Variants in DMAC2L observed in about 807,000 individuals in gnomAD.
DMAC2L encodes the protein ATP synthase subunit s, mitochondrial.
DMAC2L carries 21 observed loss-of-function variants against 22.5 expected under a neutral mutation model. That is an observed-to-expected ratio of 0.93 (90% CI 0.66 to 1.34). The LOEUF is 1.34. Among genes scored for constraint, DMAC2L ranks in the 40% most tolerant of loss-of-function variants. The probability of loss-of-function intolerance (pLI) is 0.00; values close to 1 mark genes in which losing one functional copy is unlikely to be tolerated. For synonymous variants in DMAC2L, 86 were observed against 89.5 expected (o/e 0.96, Z 0.22); for missense variants, 239 against 246.5 (o/e 0.97, Z 0.20).
chr14:50,326,198 C>T lies in DMAC2L; in HGVS notation c.*475C>T, dbSNP rs2032691300. 3.6e-6 allele frequency: 1 copy of T among 274,242 alleles called. No homozygotes were observed. The highest frequency in any genetic ancestry group is 2.4e-5 in the African/African-American group (1 of 42,274). 17.0% of individuals were successfully genotyped at this position (274,242 alleles called of 1,614,324 possible). On this transcript the variant is annotated 3_prime_UTR_variant, in exon 6 of 6. Transcript: ENST00000557421. ...GACCCGAGATTGTGCCACTGCACTC[C>T]AGCCTGGGTGACAGAGCGAGACTGT...
In DMAC2L at chr14:50,312,326, G is replaced by T. The variant is rs2031287256; in HGVS notation, c.-105G>T. 8.0e-6 allele frequency: 7 copies of T among 875,594 alleles called. No homozygotes were observed. The highest frequency in any genetic ancestry group is 1.2e-5 in the Non-Finnish European group (7 of 577,396). The allele number at this position is 875,594 out of a possible 1,614,324, so 54.2% of individuals were successfully genotyped here. A position where few individuals can be genotyped will look rare whatever the true frequency, so the allele number is the denominator to read the frequency against. On this transcript the variant is annotated 5_prime_UTR_variant, in exon 1 of 6. Transcript: ENST00000557421. Reference sequence around the variant, plus strand: ...AGGCGCGCGCGTCGGAGGGCGAAGGGCCGGCCAGGGTGCCGCAGACGCGGG... The same window carrying T: ...AGGCGCGCGCGTCGGAGGGCGAAGGTCCGGCCAGGGTGCCGCAGACGCGGG...
Position 50,317,137 on chromosome 14 carries a change from G to A in DMAC2L, c.-6+2511G>A, listed in dbSNP as rs2031870755. 1.3e-5 allele frequency among the ~76,000 whole-genome samples: 2 copies of A among 152,034 alleles called. 1 individual carries two copies. The highest frequency in any genetic ancestry group is 1.3e-4 in the Admixed American group (2 of 15,252). ...AGTGTTTTGTAGTTTTCCTTTTAGAGGTCATTCACCTCCTTGGTTAGGCAT... is the reference window on the plus strand; with the variant it reads ...AGTGTTTTGTAGTTTTCCTTTTAGAAGTCATTCACCTCCTTGGTTAGGCAT... On this transcript the variant is annotated intron_variant, in intron 2 of 5. Transcript: ENST00000557421.
intron 4 of DMAC2L, 134 bp downstream of exon 4, chr14:50,322,853 T>G (rs573337085): frequency 1.0e-5 from 15 of 1,496,518 alleles, no homozygotes; most frequent in Non-Finnish European, 1.3e-5. Flanking sequence ...TGTTTCTTCC[T>G]GTGTTTGATA....
chr14:50,312,936 C>T, intron 1 of DMAC2L: 1 of 1,532,804 alleles, frequency 6.5e-7, no homozygotes, highest in African/African-American at 1.4e-5. Flanking sequence ...GCACTGGGTA[C>T]CGGAAGAACC....
chr14:50,318,947 T>TG, intron 2 of DMAC2L: 2 of 842,760 alleles, frequency 2.4e-6, no homozygotes, highest in Non-Finnish European at 2.9e-6. Context: ...TTGTTCTTGT[T>TG]TTTGTTTGTT....
Position 50,326,817 on chromosome 14 carries a change from G to A in DMAC2L, c.*1094G>A, listed in dbSNP as rs2032722826. On this transcript the variant is annotated 3_prime_UTR_variant, in exon 6 of 6. Transcript: ENST00000557421. Reference sequence around the variant, plus strand: ...GTGCTTTGGGAGGCTGAGGTGGGAGGATCACTTGAGACCAGGAGTTTGAGA... The same window carrying A: ...GTGCTTTGGGAGGCTGAGGTGGGAGAATCACTTGAGACCAGGAGTTTGAGA... The A allele has an allele frequency of 1.1e-6, 1 of 933,798 alleles. No individual in the cohort carries two copies. Among genetic ancestry groups the A allele is most frequent in the African/African-American group, 1.8e-5 (1 of 56,222 alleles). The allele number at this position is 933,798 out of a possible 1,614,324, so 57.8% of individuals were successfully genotyped here.
chr14:50,319,108 G>T (rs2032054503), intron 2 of DMAC2L: 1 of 1,479,954 alleles, frequency 6.8e-7, no homozygotes, highest in African/African-American at 1.4e-5. Flanking sequence ...GGGAGGCTAA[G>T]AGAAAACAGC....
At position 50,319,556 on chromosome 14, in the gene DMAC2L, C is replaced by T. The variant is rs116967195; in HGVS notation, c.-5-1927C>T. ...TTTAAACACATGCATTTATTAATAC[C>T]CCACCTTGTTTCAGAAAGGATTTAG... On this transcript the variant is annotated intron_variant, in intron 2 of 5. Coordinates refer to ENST00000557421, the MANE Select transcript of DMAC2L (RefSeq NM_001382507.1). Among the ~76,000 whole-genome samples the T allele has an allele frequency of 2.1e-3, 313 of 152,214 alleles. 2 individuals are homozygous for T. Among genetic ancestry groups the T allele is most frequent in the Middle Eastern group, 6.8e-3 (2 of 294 alleles).
rs2032277045 is a variant in DMAC2L at position 50,321,562 on chromosome 14, C to T, written c.75C>T (p.Tyr25=). Residue 25 remains tyrosine, a synonymous_variant, in exon 3 of 6, where the codon TAC becomes TAT. Coordinates refer to ENST00000557421, the MANE Select transcript of DMAC2L (RefSeq NM_001382507.1). The part of the protein sequence containing the change: ...KKLPWSCDSR[Y]FWGWLNAVFN... ...TCCCATGGTCATGTGACTCCAGATA[C>T]TTCTGGGGCTGGTTGAATGCAGTGT... 1 of 1,613,674 alleles carries T rather than the reference C, an allele frequency of 6.2e-7. No individual in the cohort carries two copies. Among genetic ancestry groups the T allele is most frequent in the African/African-American group, 1.3e-5 (1 of 74,914 alleles).
Position 50,323,390 on chromosome 14 carries a change from CTTTTT to C in DMAC2L, c.317-538_317-534del, listed in dbSNP as rs10609243. ...AGGTGTGAGCCACTGCACCCGGCCTCTTTTTTTTTTTTTTTTTTTTTGAGACAGAG... is the reference window on the plus strand; with the variant it reads ...AGGTGTGAGCCACTGCACCCGGCCTCTTTTTTTTTTTTTTTTGAGACAGAG... On this transcript the variant is annotated intron_variant, in intron 4 of 5. Transcript: ENST00000557421. 4.9e-3 allele frequency among the ~76,000 whole-genome samples: 455 copies of C among 93,322 alleles called. 3 individuals carry two copies. The highest frequency in any genetic ancestry group is 0.017 in the African/African-American group (397 of 23,172). 61.2% of individuals were successfully genotyped at this position (93,322 alleles called of 152,430 possible). A position where few individuals can be genotyped will look rare whatever the true frequency, so the allele number is the denominator to read the frequency against.
chr14:50,318,123 A>G (rs2031965124), intron 2 of DMAC2L, among the ~76,000 whole-genome samples: 1 of 152,210 alleles, frequency 6.6e-6, no homozygotes, highest in Non-Finnish European at 1.5e-5. Context: ...CTATGGCAGC[A>G]GTAATTTAGT....
chr14:50,319,169 T>TA (rs2032058794), intron 2 of DMAC2L: 20 of 1,534,566 alleles, frequency 1.3e-5, no homozygotes, highest in South Asian at 2.4e-5. Context: ...TGACAACTAA[T>TA]AGAGTTATTC....
In DMAC2L at chr14:50,326,704, C is replaced by T. The variant is rs764277812; in HGVS notation, c.*981C>T. ...GCAGATTGCAATATAATAAAGGAAA[C>T]AGTAAAAACTAGTGGGCTATGCTTA... On this transcript the variant is annotated 3_prime_UTR_variant, in exon 6 of 6. Transcript: ENST00000557421. 1.3e-5 allele frequency: 13 copies of T among 985,226 alleles called. No individual in the cohort carries two copies. Among genetic ancestry groups the T allele is most frequent in the Non-Finnish European group, 1.6e-5 (13 of 829,908 alleles). The allele number at this position is 985,226 out of a possible 1,614,324, so 61.0% of individuals were successfully genotyped here. A position where few individuals can be genotyped will look rare whatever the true frequency, so the allele number is the denominator to read the frequency against.
chr14:50,319,008 C>T (rs1432504484), intron 2 of DMAC2L: 69 of 984,930 alleles, frequency 7.0e-5, no homozygotes, highest in Non-Finnish European at 8.1e-5. Context: ...ATTCAATAAA[C>T]ATTTTTTGAG....
intron 1 of DMAC2L, among the ~76,000 whole-genome samples, chr14:50,313,883 C>T (rs959096974): frequency 6.6e-6 from 1 of 152,216 alleles, no homozygotes; most frequent in African/African-American, 2.4e-5. Flanking sequence ...ATAACCACAA[C>T]TTACCTTTGC....
At chr14:50,316,873 T>TGG (rs1482758461) in intron 2 of DMAC2L, among the ~76,000 whole-genome samples, 1 of 152,234 alleles carries the variant, frequency 6.6e-6, no homozygotes, top group Non-Finnish European at 1.5e-5. Flanking sequence ...TTTGGCTATG[T>TGG]GGGCTCTTTT....
intron 2 of DMAC2L, among the ~76,000 whole-genome samples, chr14:50,315,079 G>A (rs2031649774): frequency 6.6e-6 from 1 of 151,830 alleles, no homozygotes; most frequent in Non-Finnish European, 1.5e-5. Flanking sequence ...CCATTCTCCT[G>A]CTTCAGCCTC....
intron 2 of DMAC2L, chr14:50,319,070 A>G (rs975338766): frequency 6.3e-5 from 62 of 985,286 alleles, no homozygotes; most frequent in Non-Finnish European, 5.8e-5. Flanking sequence ...GTTGGGTGGG[A>G]TTTCCACAGA....
intron 2 of DMAC2L, chr14:50,321,277 A>G (rs898786005): frequency 4.8e-5 from 44 of 913,534 alleles, no homozygotes; most frequent in Non-Finnish European, 5.7e-5. Context: ...GGAGCCTTAG[A>G]CACCATCCAG....
Sources: gnomAD v4.1 joint callset for allele counts (sites outside exome capture counted in the v4.1 genomes callset) on GRCh38, gnomAD v4.1.1 for gene constraint, MANE v1.5 for transcripts, NCBI Gene and HGNC (gene_info 2026-07-23, HGNC 2026-07-21) for gene names.